Variants in ANK2 observed in about 807,000 individuals in gnomAD.
The protein encoded by ANK2 is ankyrin 2.
A neutral mutation model predicts 360.5 loss-of-function variants in ANK2; 83 were observed. The ratio of observed to expected loss-of-function variants is 0.23; its 90% CI spans 0.19 to 0.28. The LOEUF is 0.28. ANK2 is among the 10% of genes least tolerant of loss of function. The pLI is 1.00. For missense variants in ANK2, 4,201 were observed against 4,795.7 expected (o/e 0.88, Z 3.66); for synonymous variants, 1,740 against 1,759.5 (o/e 0.99, Z 0.28).
intron 1 of ANK2, among the ~76,000 whole-genome samples, chr4:113,164,157 T>A (rs1032113041): frequency 6.6e-6 from 1 of 152,174 alleles, no homozygotes; most frequent in Non-Finnish European, 1.5e-5. Flanking sequence ...CCCAGCACTT[T>A]GGGAGGCCAA....
chr4:112,990,408 GAC>G (rs2154278100), intron 2 of ANK2, among the ~76,000 whole-genome samples: 2 of 152,178 alleles, frequency 1.3e-5, no homozygotes, highest in African/African-American at 4.8e-5. Flanking sequence ...TATTATAGAT[GAC>G]ACCCATTCTG....
At chr4:112,951,440 C>T (rs1323628753) in intron 2 of ANK2, among the ~76,000 whole-genome samples, 2 of 152,120 alleles carry the variant, frequency 1.3e-5, no homozygotes, top group East Asian at 3.8e-4. Flanking sequence ...ATCATAATTT[C>T]CTTTTCCAGT....
chr4:113,205,105 G>A (rs181368180), intron 4 of ANK2, among the ~76,000 whole-genome samples: 3 of 151,616 alleles, frequency 2.0e-5, no homozygotes, highest in South Asian at 2.1e-4. Context: ...GCGTAGTGGC[G>A]GGCTCCTGTA....
At chr4:112,826,938 G>T in intron 1 of ANK2, 4 of 1,537,924 alleles carry the variant, frequency 2.6e-6, no homozygotes, top group Non-Finnish European at 3.6e-6. Context: ...AACAAACTCT[G>T]AATTGGTTGG....
intron 1 of ANK2, among the ~76,000 whole-genome samples, chr4:113,057,182 A>G (rs1438195606): frequency 6.6e-6 from 1 of 152,200 alleles, no homozygotes; most frequent in African/African-American, 2.4e-5. Flanking sequence ...AGTAATGAGC[A>G]ATCTACAGAA....
At chr4:113,202,846 A>C (rs1362032126) in intron 4 of ANK2, among the ~76,000 whole-genome samples, 1 of 152,238 alleles carries the variant, frequency 6.6e-6, no homozygotes, top group African/African-American at 2.4e-5. Flanking sequence ...CAACTTCAGT[A>C]CTTTAAATGG....
At chr4:112,877,312 GCACA>G (rs1357847762) in intron 1 of ANK2, among the ~76,000 whole-genome samples, 1 of 152,174 alleles carries the variant, frequency 6.6e-6, no homozygotes, top group Non-Finnish European at 1.5e-5. Context: ...TCTGCTGTCT[GCACA>G]TCAGTTCTAT....
the ANK2 span, among the ~76,000 whole-genome samples, chr4:112,810,125 GTATATATA>G: frequency 0.011 from 741 of 67,908 alleles, 5 homozygotes; most frequent in Middle Eastern, 0.022. Flanking sequence ...AATTTTTTGT[GTATATATA>G]TATATATATA....
At chr4:112,807,063 C>G in the ANK2 span, among the ~76,000 whole-genome samples, 1 of 152,214 alleles carries the variant, frequency 6.6e-6, no homozygotes, top group Non-Finnish European at 1.5e-5. Context: ...TGTTTATTAG[C>G]ATGGCTTCCA....
Position 113,249,998 on chromosome 4 carries a change from A to G in ANK2, c.990+136A>G, listed in dbSNP as rs362495. The G allele has an allele frequency of 0.41, 311,763 of 763,578 alleles. 68,109 individuals are homozygous for G. Among genetic ancestry groups the G allele is most frequent in the Non-Finnish European group, 0.46 (209,439 of 456,928 alleles). 47.3% of individuals were successfully genotyped at this position (763,578 alleles called of 1,614,324 possible). A position where few individuals can be genotyped will look rare whatever the true frequency, so the allele number is the denominator to read the frequency against. On this transcript the variant is annotated intron_variant, in intron 10 of 45. Transcript: ENST00000357077. ...ATAATTGTGTGCTAGGAATAGGAAT[A>G]TGTATCAAACCACTTAAAATTATTA...
intron 2 of ANK2, among the ~76,000 whole-genome samples, chr4:113,003,420 A>G (rs1461936178): frequency 1.3e-5 from 2 of 152,236 alleles, no homozygotes; most frequent in Non-Finnish European, 2.9e-5. Context: ...AAAAAAAATA[A>G]TGAATCAAAA....
chr4:112,917,223 A>T (rs1221071715), intron 2 of ANK2, among the ~76,000 whole-genome samples: 1 of 152,242 alleles, frequency 6.6e-6, no homozygotes, highest in African/African-American at 2.4e-5. Context: ...AATGAAAAAG[A>T]GCTTCTAACA....
At chr4:113,109,992 T>C (rs1182693959) in intron 1 of ANK2, among the ~76,000 whole-genome samples, 1 of 152,192 alleles carries the variant, frequency 6.6e-6, no homozygotes, top group Non-Finnish European at 1.5e-5. Flanking sequence ...ATTTATGGAA[T>C]ATGAGTTTGC....
At chr4:113,101,243 A>G (rs2092778951) in intron 1 of ANK2, among the ~76,000 whole-genome samples, 1 of 152,318 alleles carries the variant, frequency 6.6e-6, no homozygotes, top group Non-Finnish European at 1.5e-5. Flanking sequence ...TTCCAAATGT[A>G]TATATGTAAA....
chr4:113,087,058 A>G (rs2085196147), intron 1 of ANK2, among the ~76,000 whole-genome samples: 1 of 152,222 alleles, frequency 6.6e-6, no homozygotes, highest in Non-Finnish European at 1.5e-5. Flanking sequence ...ATAGGCACAT[A>G]GATGTATAAG....
Position 113,336,066 on chromosome 4 carries a change from A to G in ANK2, c.3591+9A>G, listed in dbSNP as rs2093483304. The stretch of plus-strand genomic sequence containing the variant: ...TCCGCGTAGGCCTGCAGGTATGCCC[A>G]TGTTAGATGCAAATGATCCTAACAG... On this transcript the variant is annotated intron_variant, in intron 30 of 45. Coordinates refer to ENST00000357077, the MANE Select transcript of ANK2 (RefSeq NM_001148.6). 1 of 1,612,678 alleles carries G rather than the reference A, an allele frequency of 6.2e-7. No homozygotes were observed. The highest frequency in any genetic ancestry group is 1.7e-5 in the Admixed American group (1 of 60,000).
At chr4:112,708,720 A>G in the ANK2 span, among the ~76,000 whole-genome samples, 1 of 152,196 alleles carries the variant, frequency 6.6e-6, no homozygotes, top group Admixed American at 6.5e-5. Flanking sequence ...TTATTTAGAC[A>G]AAATAGTTAT....
At chr4:113,110,304 A>C (rs2154365204) in intron 1 of ANK2, among the ~76,000 whole-genome samples, 1 of 152,266 alleles carries the variant, frequency 6.6e-6, no homozygotes, top group African/African-American at 2.4e-5. Flanking sequence ...CTACCCCATG[A>C]TTCAATTACT....
intron 1 of ANK2, among the ~76,000 whole-genome samples, chr4:112,820,771 T>A (rs2056772676): frequency 6.6e-6 from 1 of 152,034 alleles, no homozygotes; most frequent in Admixed American, 6.6e-5. Flanking sequence ...ATAGGGTCTC[T>A]CTCTGTTGCC....
Sources: gnomAD v4.1 joint callset for allele counts (sites outside exome capture counted in the v4.1 genomes callset) on GRCh38, gnomAD v4.1.1 for gene constraint, MANE v1.5 for transcripts, NCBI Gene and HGNC (gene_info 2026-07-23, HGNC 2026-07-21) for gene names.